Variants in ROR2 observed in about 807,000 individuals in gnomAD.
ROR2 encodes ROR family WNT receptor 2.
A neutral mutation model predicts 74.9 loss-of-function variants in ROR2; 33 were observed. The observed-to-expected ratio is 0.44, with a 90% CI of 0.33 to 0.59. ROR2 has a LOEUF of 0.59. ROR2 is among the 20% of genes least tolerant of loss of function. ROR2 has a pLI of 0.02. For missense variants in ROR2, 1,216 were observed against 1,313.8 expected, an observed-to-expected ratio of 0.93 and a Z score of 1.15; for synonymous variants, 586 against 558.7, an observed-to-expected ratio of 1.05 and a Z score of -0.69.
At chr9:91,921,489 T>C (rs868362104) in intron 1 of ROR2, among the ~76,000 whole-genome samples, 4 of 152,264 alleles carry the variant, frequency 2.6e-5, no homozygotes, top group Non-Finnish European at 5.9e-5. Flanking sequence ...CTGTGCTTAA[T>C]TGCAGACCAA....
chr9:91,801,486 C>T (rs1042377710), intron 1 of ROR2, among the ~76,000 whole-genome samples: 1 of 152,176 alleles, frequency 6.6e-6, no homozygotes, highest in Non-Finnish European at 1.5e-5. Flanking sequence ...GCGCCCGCCA[C>T]CACACCCAGC....
rs116232718 is a variant in ROR2, at chr9:91,914,431, A to G, written c.97+35436T>C. ...GCTGTATTATGAAAGAAAACTCTTG[A>G]CCATAAAGGAATCTTCCCTTAACAA... On this transcript the variant is annotated intron_variant, in intron 1 of 8. Coordinates refer to ENST00000375708, the MANE Select transcript of ROR2 (RefSeq NM_004560.4). Among the ~76,000 whole-genome samples the G allele has an allele frequency of 4.7e-3, 720 of 152,272 alleles. 5 individuals are homozygous for G. Among genetic ancestry groups the G allele is most frequent in the African/African-American group, 0.016 (666 of 41,544 alleles).
At chr9:91,760,940 C>T (rs76092660) in intron 2 of ROR2, among the ~76,000 whole-genome samples, 4,910 of 152,102 alleles carry the variant, frequency 0.032, 274 homozygotes, top group African/African-American at 0.11. Flanking sequence ...ATTGTAAATA[C>T]TTTTTCTATT....
chr9:91,837,312 T>A (rs1449272413), intron 1 of ROR2, among the ~76,000 whole-genome samples: 1 of 152,220 alleles, frequency 6.6e-6, no homozygotes, highest in Non-Finnish European at 1.5e-5. Flanking sequence ...GACCTCATGA[T>A]CGGCCCGCCT....
In ROR2 at chr9:91,949,929, AGCG is replaced by A; in HGVS notation, c.32_34del (p.Pro11del). The A allele has an allele frequency of 2.0e-6, 3 of 1,520,734 alleles. No individual in the cohort carries two copies. Among genetic ancestry groups the A allele is most frequent in the Non-Finnish European group, 2.6e-6 (3 of 1,136,570 alleles). 94.2% of individuals were successfully genotyped at this position (1,520,734 alleles called of 1,614,324 possible). ...CGCCCAGACGGCCGGGATGCACAGC[AGCG>A]GCCGCCGCGGGAGCGCCGAGCCCCG... is the stretch of plus-strand genomic sequence containing the variant. On this transcript the variant is annotated inframe_deletion, in exon 1 of 9. Coordinates refer to ENST00000375708, the MANE Select transcript of ROR2 (RefSeq NM_004560.4).
intron 4 of ROR2, among the ~76,000 whole-genome samples, chr9:91,743,947 T>C (rs1825325333): frequency 6.6e-6 from 1 of 152,204 alleles, no homozygotes; most frequent in Non-Finnish European, 1.5e-5. Flanking sequence ...CCCCAAATGC[T>C]CATCAATAGG....
chr9:91,755,483 G>C (rs1418314734), intron 4 of ROR2, among the ~76,000 whole-genome samples: 1 of 152,256 alleles, frequency 6.6e-6, no homozygotes, highest in Non-Finnish European at 1.5e-5. Flanking sequence ...AGTGTGGGCA[G>C]TTCAGAGGGG....
At chr9:91,804,738 G>C (rs1436473982) in intron 1 of ROR2, among the ~76,000 whole-genome samples, 3 of 152,104 alleles carry the variant, frequency 2.0e-5, no homozygotes, top group Non-Finnish European at 4.4e-5. Context: ...ATTCAGAGTG[G>C]GGGGGTGGTC....
At chr9:91,740,409 A>G (rs536775021) in intron 4 of ROR2, among the ~76,000 whole-genome samples, 18 of 152,034 alleles carry the variant, frequency 1.2e-4, no homozygotes, top group Admixed American at 3.3e-4. Flanking sequence ...AAAATTAGCC[A>G]GGCGTAGTGG....
chr9:91,735,961 C>T (rs1490737331), intron 5 of ROR2, among the ~76,000 whole-genome samples: 2 of 152,138 alleles, frequency 1.3e-5, no homozygotes, highest in Non-Finnish European at 2.9e-5. Context: ...AATCCAAGTG[C>T]ACCGCTTTTA....
chr9:91,868,012 G>A lies in ROR2; in HGVS notation c.97+81855C>T, dbSNP rs147854051. ...AATCCAACATTACTCAACATACAAA[G>A]AACCAGGAAAATCTCAATCAATGGA... On this transcript the variant is annotated intron_variant, in intron 1 of 8. Coordinates refer to ENST00000375708, the MANE Select transcript of ROR2 (RefSeq NM_004560.4). Among the ~76,000 whole-genome samples, 392 of 152,074 alleles carry A rather than the reference G, an allele frequency of 2.6e-3. 1 individual carries two copies. The highest frequency in any genetic ancestry group is 8.8e-3 in the African/African-American group (367 of 41,488).
intron 1 of ROR2, among the ~76,000 whole-genome samples, chr9:91,899,863 G>A (rs536161633): frequency 1.3e-5 from 2 of 152,060 alleles, no homozygotes; most frequent in Non-Finnish European, 2.9e-5. Flanking sequence ...ACACACACAG[G>A]TGCACTGTGC....
In ROR2 at chr9:91,722,601, T is replaced by C. The variant is rs1469995940; in HGVS notation, c.*1061A>G. The C allele has an allele frequency of 1.3e-6, 1 of 780,052 alleles. No homozygotes were observed. Among genetic ancestry groups the C allele is most frequent in the Admixed American group, 1.7e-5 (1 of 59,040 alleles). 48.3% of individuals were successfully genotyped at this position (780,052 alleles called of 1,614,324 possible). On this transcript the variant is annotated 3_prime_UTR_variant, in exon 9 of 9. Transcript: ENST00000375708. ...ACAACCTGCAAGAGAGCCAATCACATGCTTTGTTTCACTTTATTGGATACA... is the reference window on the plus strand; with the variant it reads ...ACAACCTGCAAGAGAGCCAATCACACGCTTTGTTTCACTTTATTGGATACA...
chr9:91,881,633 T>C (rs1219009013), intron 1 of ROR2, among the ~76,000 whole-genome samples: 1 of 152,240 alleles, frequency 6.6e-6, no homozygotes, highest in East Asian at 1.9e-4. Flanking sequence ...TATACTATTT[T>C]TCTTCTAAAT....
At chr9:91,829,568 A>AAAAAAAAAAAAAAAC (rs1828397882) in intron 1 of ROR2, among the ~76,000 whole-genome samples, 1 of 151,156 alleles carries the variant, frequency 6.6e-6, no homozygotes, top group African/African-American at 2.4e-5. Context: ...AAAAAAAAAA[A>AAAAAAAAAAAAAAAC]AAAAAGCACA....
chr9:91,819,044 C>A (rs1164711933), intron 1 of ROR2, among the ~76,000 whole-genome samples: 1 of 152,190 alleles, frequency 6.6e-6, no homozygotes, highest in Non-Finnish European at 1.5e-5. Flanking sequence ...AAGAGGTGGT[C>A]CGCCTCTTCC....
intron 7 of ROR2, among the ~76,000 whole-genome samples, chr9:91,730,107 C>T (rs1366866470): frequency 6.6e-6 from 1 of 152,068 alleles, no homozygotes; most frequent in Admixed American, 6.6e-5. Flanking sequence ...CACGCCTGGA[C>T]AATTTTTGTA....
chr9:91,845,107 A>C (rs1345754702), intron 1 of ROR2, among the ~76,000 whole-genome samples: 1 of 152,054 alleles, frequency 6.6e-6, no homozygotes, highest in Admixed American at 6.6e-5. Flanking sequence ...CCCTACGCCC[A>C]AGGTGTAATG....
In ROR2 at chr9:91,733,482, C is replaced by A; in HGVS notation, c.623-46G>T. 6.4e-7 allele frequency: 1 copy of A among 1,574,560 alleles called. No individual in the cohort carries two copies. The highest frequency in any genetic ancestry group is 8.6e-7 in the Non-Finnish European group (1 of 1,163,438). ...GCGTTAGCGGGGGACCCACCTTGCG[C>A]CCTTGACATTCATCCAGTCCCCACC... On this transcript the variant is annotated intron_variant, in intron 5 of 8. Coordinates refer to ENST00000375708, the MANE Select transcript of ROR2 (RefSeq NM_004560.4). This position sits in a 1 kb window ranked among gnomAD's most constrained non-coding sequence, Gnocchi z 5.7.
Sources: allele counts gnomAD v4.1 joint callset (sites outside exome capture counted in the v4.1 genomes callset), GRCh38; gene constraint gnomAD v4.1.1; non-coding constraint Gnocchi (gnomAD v3.1); transcripts MANE v1.5; gene names NCBI Gene and HGNC (gene_info 2026-07-23, HGNC 2026-07-21).